Variants in VNN2 observed in about 807,000 individuals in gnomAD.
The protein encoded by VNN2 is pantetheine hydrolase VNN2.
Under a neutral mutation model 43.0 loss-of-function variants are expected in VNN2, and 43 were observed. That is an observed-to-expected ratio of 1.00 (90% CI 0.78 to 1.29). The LOEUF (loss-of-function observed/expected upper bound fraction) is 1.29. VNN2 is among the 50% of genes most tolerant of loss of function. The probability of loss-of-function intolerance (pLI) is 0.00; values close to 1 mark genes in which losing one functional copy is unlikely to be tolerated. For synonymous variants in VNN2, 230 were observed against 224.3 expected, an observed-to-expected ratio of 1.03 and a Z score of -0.23; for missense variants, 652 against 619.7, an observed-to-expected ratio of 1.05 and a Z score of -0.55.
Position 132,744,047 on chromosome 6 carries a change from T to G in VNN2, c.*253A>C. ...CAAGCAAATGAGGCTGGAGCTGGAG[T>G]TTGATCTTCATTTATCTGACCCAAA... is the stretch of plus-strand genomic sequence containing the variant. On this transcript the variant is annotated 3_prime_UTR_variant, in exon 7 of 7. Transcript: ENST00000326499. 1 of 293,742 alleles carries G rather than the reference T, an allele frequency of 3.4e-6. No individual in the cohort carries two copies. The highest frequency in any genetic ancestry group is 6.2e-6 in the Non-Finnish European group (1 of 161,048). The allele number at this position is 293,742 out of a possible 1,614,324, so 18.2% of individuals were successfully genotyped here.
intron 3 of VNN2, among the ~76,000 whole-genome samples, chr6:132,755,383 C>CTTT (rs397728432): frequency 1.3e-4 from 16 of 118,946 alleles, no homozygotes; most frequent in African/African-American, 3.1e-4. Flanking sequence ...TCTTTTTTTT[C>CTTT]TTTTTTTTTT....
intron 6 of VNN2, 25 bp downstream of exon 6, chr6:132,749,670 A>T: frequency 6.3e-7 from 1 of 1,591,746 alleles, no homozygotes. Flanking sequence ...ATAAAATGAA[A>T]ATACTCTTAT....
At chr6:132,754,358 A>G (rs1780326337) in intron 3 of VNN2, among the ~76,000 whole-genome samples, 1 of 152,252 alleles carries the variant, frequency 6.6e-6, no homozygotes. Flanking sequence ...TGAAGAAAGC[A>G]TTTTGAAATT....
Position 132,744,345 on chromosome 6 carries a change from G to A in VNN2, c.1518C>T (p.Phe506=), listed in dbSNP as rs1229412043. The change falls in exon 7 of 7, where the codon TTC becomes TTT. Residue 506 remains phenylalanine (F), a synonymous_variant. Coordinates refer to ENST00000326499, the MANE Select transcript of VNN2 (RefSeq NM_004665.6). ...GCAAAGCTATGATCATTAATAATATGAATATTAGCAGGTAAGTTATTGCTG... is the reference window on the plus strand; with the variant it reads ...GCAAAGCTATGATCATTAATAATATAAATATTAGCAGGTAAGTTATTGCTG... ...SNSAITYLLI[F]ILLMIIALQN... is the part of the protein sequence containing the mutation. 6.2e-7 allele frequency: 1 copy of A among 1,612,724 alleles called. No individual in the cohort carries two copies. The highest frequency in any genetic ancestry group is 1.3e-5 in the African/African-American group (1 of 74,800).
intron 4 of VNN2, 22 bp downstream of exon 4, chr6:132,752,439 A>C: frequency 1.3e-6 from 2 of 1,599,818 alleles, no homozygotes; most frequent in Non-Finnish European, 1.7e-6. Context: ...ATAAGATGAA[A>C]CCTAACCTGG....
chr6:132,754,711 T>C (rs1780347655), intron 3 of VNN2, among the ~76,000 whole-genome samples: 1 of 152,234 alleles, frequency 6.6e-6, no homozygotes, highest in African/African-American at 2.4e-5. Flanking sequence ...CTTTTTTCAA[T>C]TCAGAATTTA....
chr6:132,744,859 G>A (rs966888162), intron 6 of VNN2, among the ~76,000 whole-genome samples: 2 of 152,128 alleles, frequency 1.3e-5, no homozygotes, highest in Admixed American at 1.3e-4. Flanking sequence ...TAAACATAAA[G>A]AGAGAAATCA....
chr6:132,750,515 T>A (rs374880724), intron 5 of VNN2, among the ~76,000 whole-genome samples: 10,996 of 80,970 alleles, frequency 0.14, 1,104 homozygotes, highest in Middle Eastern at 0.21. Context: ...ATATATATAT[T>A]TTTCCAGGTG....
chr6:132,744,520 A>G, intron 6 of VNN2, 29 bp from the exon 7 acceptor site: 1 of 1,550,806 alleles, frequency 6.4e-7, no homozygotes, highest in Non-Finnish European at 8.7e-7. Context: ...AAGTACAGTC[A>G]GCTTTCTTAA....
chr6:132,755,798 C>T, intron 3 of VNN2, 45 bp downstream of exon 3: 1 of 1,537,342 alleles, frequency 6.5e-7, no homozygotes, highest in Non-Finnish European at 8.8e-7. Flanking sequence ...CAGCATTGAC[C>T]ACTCACAACA....
chr6:132,752,160 T>G (rs960902154), intron 4 of VNN2, among the ~76,000 whole-genome samples: 8 of 152,232 alleles, frequency 5.3e-5, no homozygotes, highest in African/African-American at 1.9e-4. Flanking sequence ...AGGAAAGTAG[T>G]AGCTGGGTAG....
chr6:132,752,932 C>T (rs1007867302), intron 3 of VNN2, 183 bp from the exon 4 acceptor site: 29 of 604,452 alleles, frequency 4.8e-5, no homozygotes, highest in Middle Eastern at 4.5e-4. Flanking sequence ...ATGTAACATA[C>T]GTCCATAGCA....
At position 132,757,651 on chromosome 6, in the gene VNN2, T is replaced by C; in HGVS notation, c.213+20A>G. 6.2e-7 allele frequency: 1 copy of C among 1,612,212 alleles called. No individual in the cohort carries two copies. Among genetic ancestry groups the C allele is most frequent in the Non-Finnish European group, 8.5e-7 (1 of 1,178,438 alleles). On this transcript the variant is annotated intron_variant, in intron 1 of 6. Coordinates refer to ENST00000326499, the MANE Select transcript of VNN2 (RefSeq NM_004665.6). ...CCATGCCCCTCGTGTACATTATGAT[T>C]AACAGAAATAAGAGAATACCTGCTC...
In VNN2 at chr6:132,751,333, T is replaced by G. The variant is rs745539228; in HGVS notation, c.1012A>C (p.Arg338=). 1 of 1,614,172 alleles carries G rather than the reference T, an allele frequency of 6.2e-7. No homozygotes were observed. The highest frequency in any genetic ancestry group is 1.3e-5 in the African/African-American group (1 of 75,050). ...KPFPVQKNTF[R]GFISRDGFNF... ...AACCCATCCCTGGAAATAAATCCCC[T>G]GAAAGTGTTTTTCTGTACTGGAAAT... The change falls in exon 5 of 7, where the codon AGG becomes CGG. Residue 338 remains arginine, a synonymous_variant. Coordinates refer to ENST00000326499, the MANE Select transcript of VNN2 (RefSeq NM_004665.6).
At chr6:132,751,600 C>T (rs1392085403) in intron 4 of VNN2, 82 bp from the exon 5 acceptor site, 1 of 1,498,502 alleles carries the variant, frequency 6.7e-7, no homozygotes, top group African/African-American at 1.4e-5. Context: ...CAGAATTGGG[C>T]ATGTGATCAC....
intron 5 of VNN2, 134 bp downstream of exon 5, chr6:132,750,996 GTGTGTGTGTGTGTGT>G (rs917157602): frequency 9.7e-6 from 5 of 515,420 alleles, no homozygotes; most frequent in African/African-American, 8.2e-5. Flanking sequence ...ATAAATGCAC[GTGTGTGTGTGTGTGT>G]TGTGTGTGTG....
chr6:132,750,686 AG>A (rs2114554512), intron 5 of VNN2, among the ~76,000 whole-genome samples: 1 of 149,802 alleles, frequency 6.7e-6, no homozygotes, highest in East Asian at 1.9e-4. Context: ...GAAAAAGAAA[AG>A]AAAAGAAAAA....
chr6:132,753,656 T>G (rs1014477512), intron 3 of VNN2: 1 of 276,716 alleles, frequency 3.6e-6, no homozygotes, highest in Non-Finnish European at 7.3e-6. Flanking sequence ...TTACTACTAT[T>G]TTAAGAATTG....
Position 132,752,598 on chromosome 6 carries a change from T to C in VNN2, c.689A>G (p.Asp230Gly). ...CCAAGCTGTGGGAAACAGTATGGTGTCCACATGGAAATCTTTCACCAGGGT... is the reference window on the plus strand; with the variant it reads ...CCAAGCTGTGGGAAACAGTATGGTGCCCACATGGAAATCTTTCACCAGGGT... ...GVTLVKDFHV[D>G]TILFPTAWMN... The change falls in exon 4 of 7, where the codon GAC (aspartate) becomes GGC (glycine). Residue 230 changes from aspartate (D) to glycine (G), a missense_variant. Coordinates refer to ENST00000326499, the MANE Select transcript of VNN2 (RefSeq NM_004665.6). 6.2e-7 allele frequency: 1 copy of C among 1,614,126 alleles called. No homozygotes were observed. Among genetic ancestry groups the C allele is most frequent in the Non-Finnish European group, 8.5e-7 (1 of 1,180,026 alleles).
Sources: gnomAD v4.1 joint callset for allele counts (sites outside exome capture counted in the v4.1 genomes callset) on GRCh38, gnomAD v4.1.1 for gene constraint, MANE v1.5 for transcripts, NCBI Gene and HGNC (gene_info 2026-07-23, HGNC 2026-07-21) for gene names.